Variants in RIMBP2 observed in about 807,000 individuals in gnomAD.
RIMBP2 encodes RIMS binding protein 2.
A neutral mutation model predicts 118.6 loss-of-function variants in RIMBP2; 48 were observed. The observed-to-expected ratio is 0.40, with a 90% CI of 0.32 to 0.51. The LOEUF (loss-of-function observed/expected upper bound fraction) is 0.51, where lower values mean the gene tolerates loss of function less well. Among genes scored for constraint, RIMBP2 ranks in the 20% least tolerant of loss-of-function variants. The probability of loss-of-function intolerance (pLI) is 0.41; values close to 1 mark genes in which losing one functional copy is unlikely to be tolerated. For synonymous variants in RIMBP2, 762 were observed against 742.9 expected (o/e 1.03, Z -0.42); for missense variants, 1,551 against 1,768.3 (o/e 0.88, Z 2.20).
At chr12:130,510,177 G>A (rs1566170036) in intron 3 of RIMBP2, among the ~76,000 whole-genome samples, 1 of 152,214 alleles carries the variant, frequency 6.6e-6, no homozygotes. Context: ...TCTCCCACAG[G>A]TGTGTTACAA....
chr12:130,437,393 A>G lies in RIMBP2; in HGVS notation c.1657-102T>C. The G allele has an allele frequency of 3.0e-6, 3 of 988,946 alleles. No homozygotes were observed. The South Asian group carries it at 4.7e-5, about 16-fold the overall frequency. 61.3% of individuals were successfully genotyped at this position (988,946 alleles called of 1,614,324 possible). A position where few individuals can be genotyped will look rare whatever the true frequency, so the allele number is the denominator to read the frequency against. On this transcript the variant is annotated intron_variant, in intron 12 of 22. Coordinates refer to ENST00000690449, the MANE Select transcript of RIMBP2 (RefSeq NM_001393629.1). ...TCTGCCCAGAGGCCAGGTGCAAAGG[A>G]TCATGCCCAGCGACCTCCGACTCCA... is the stretch of plus-strand genomic sequence containing the variant.
rs2076328158 is a variant in RIMBP2, at chr12:130,420,180, T to G, written c.3238+2273A>C. Among the ~76,000 whole-genome samples the G allele has an allele frequency of 6.6e-6, 1 of 152,212 alleles. No homozygotes were observed. Among genetic ancestry groups the G allele is most frequent in the African/African-American group, 2.4e-5 (1 of 41,458 alleles). ...TTTCCCAAAGCTCTTTGCCGAGTCC[T>G]CCTCCTCCTCAGGTGGGTGATAAGC... On this transcript the variant is annotated intron_variant, in intron 17 of 22. Coordinates refer to ENST00000690449, the MANE Select transcript of RIMBP2 (RefSeq NM_001393629.1). The surrounding 1 kb of genome is among the most constrained non-coding windows in gnomAD (Gnocchi z 4.3).
intron 2 of RIMBP2, among the ~76,000 whole-genome samples, chr12:130,535,704 CACATAT>C (rs1406202868): frequency 2.3e-4 from 33 of 141,350 alleles, no homozygotes; most frequent in South Asian, 6.7e-4. Context: ...CATATATATA[CACATAT>C]ACATATACAT....
At chr12:130,489,814 A>AACTCCAAATTGATGAC (rs1404114780) in intron 4 of RIMBP2, among the ~76,000 whole-genome samples, 1 of 152,200 alleles carries the variant, frequency 6.6e-6, no homozygotes, top group Non-Finnish European at 1.5e-5. Context: ...GGATGAAGCC[A>AACTCCAAATTGATGAC]ACTCCAAATT....
At chr12:130,473,655 T>C (rs1019116876) in intron 5 of RIMBP2, among the ~76,000 whole-genome samples, 2 of 152,124 alleles carry the variant, frequency 1.3e-5, no homozygotes, top group Admixed American at 1.3e-4. Context: ...CTCAAGGAAC[T>C]ATGCCGAGGG....
intron 1 of RIMBP2, among the ~76,000 whole-genome samples, chr12:130,705,335 A>T (rs1247219002): frequency 6.6e-6 from 1 of 152,210 alleles, no homozygotes; most frequent in Admixed American, 6.5e-5. Flanking sequence ...CCTCCCGGCC[A>T]GTCACCACGC....
rs2061276246 is a variant in RIMBP2, at chr12:130,621,015, T to C, written c.-217+7307A>G. Among the ~76,000 whole-genome samples the C allele has an allele frequency of 6.6e-6, 1 of 152,128 alleles. No individual in the cohort carries two copies. Among genetic ancestry groups the C allele is most frequent in the Non-Finnish European group, 1.5e-5 (1 of 68,030 alleles). On this transcript the variant is annotated intron_variant, in intron 2 of 22. Transcript: ENST00000690449. The surrounding 1 kb of genome is among the most constrained non-coding windows in gnomAD (Gnocchi z 6.6). Reference sequence around the variant, plus strand: ...GGCGGGCGAGCAACCTGCCTTGAGATCTGGCTGAATGGGGAGGCCTGAAAA... The same window carrying C: ...GGCGGGCGAGCAACCTGCCTTGAGACCTGGCTGAATGGGGAGGCCTGAAAA...
At chr12:130,642,055 C>T (rs1199921984) in intron 1 of RIMBP2, among the ~76,000 whole-genome samples, 4 of 152,148 alleles carry the variant, frequency 2.6e-5, no homozygotes, top group East Asian at 1.9e-4. Flanking sequence ...GTCAAAGCCA[C>T]GTCTCTGGTG....
intron 2 of RIMBP2, among the ~76,000 whole-genome samples, chr12:130,611,812 C>G (rs2140611447): frequency 6.6e-6 from 1 of 152,306 alleles, no homozygotes; most frequent in South Asian, 2.1e-4. Context: ...CCATGAAACC[C>G]ATGTAACTGC....
rs974734875 is a variant in RIMBP2, at chr12:130,462,371, G to T, written c.154-5671C>A. ...GGGTGGCCAGTGCAGATACCAGGAA[G>T]GCCGCGCTGCCGCAAGCCTGGAGAC... On this transcript the variant is annotated intron_variant, in intron 6 of 22. Transcript: ENST00000690449. 7.2e-5 allele frequency among the ~76,000 whole-genome samples: 11 copies of T among 152,318 alleles called. No individual in the cohort carries two copies. In the East Asian group the frequency reaches 1.9e-3, roughly 27 times the overall value.
intron 1 of RIMBP2, among the ~76,000 whole-genome samples, chr12:130,679,873 G>C (rs570022165): frequency 6.6e-6 from 1 of 151,948 alleles, no homozygotes; most frequent in African/African-American, 2.4e-5. Flanking sequence ...GAGTGTGTTC[G>C]CCCGCCACGG....
rs148796071 is a variant in RIMBP2, at chr12:130,438,466, C to T, written c.1555G>A (p.Ala519Thr). ...GGTCTCCAGGAGACCCGGATGGTGG[C>T]GGGGGTCACCCCAGCCTGGACGGTA... ...DVTVQAGVTP[A>T]TIRVSWRPPV... is the part of the protein sequence containing the mutation. The change falls in exon 12 of 23, where the codon GCC becomes ACC. Residue 519 changes from alanine to threonine, a missense_variant. Coordinates refer to ENST00000690449, the MANE Select transcript of RIMBP2 (RefSeq NM_001393629.1). The T allele has an allele frequency of 1.0e-3, 1,618 of 1,612,386 alleles. 2 individuals are homozygous for T. The highest frequency in any genetic ancestry group is 1.3e-3 in the Non-Finnish European group (1,514 of 1,179,396).
intron 4 of RIMBP2, among the ~76,000 whole-genome samples, chr12:130,484,049 T>C (rs759921324): frequency 8.5e-4 from 129 of 152,220 alleles, no homozygotes; most frequent in Non-Finnish European, 1.5e-3. Context: ...CAATGTCCCA[T>C]GGGAAGGATA....
chr12:130,663,728 G>A lies in RIMBP2; in HGVS notation c.-351-35272C>T, dbSNP rs947246240. On this transcript the variant is annotated intron_variant, in intron 1 of 22. Coordinates refer to ENST00000690449, the MANE Select transcript of RIMBP2 (RefSeq NM_001393629.1). Reference sequence around the variant, plus strand: ...GGTAGGAGTCAGAACGGAACTTCCCGCTGGGTACTTTAACGAAGTTTTGGG... The same window carrying A: ...GGTAGGAGTCAGAACGGAACTTCCCACTGGGTACTTTAACGAAGTTTTGGG... Among the ~76,000 whole-genome samples the A allele has an allele frequency of 3.2e-4, 48 of 151,708 alleles. 1 individual carries two copies. The highest frequency in any genetic ancestry group is 2.2e-3 in the Admixed American group (34 of 15,248).
At chr12:130,404,908 C>T (rs1195067256) in intron 21 of RIMBP2, among the ~76,000 whole-genome samples, 1 of 152,074 alleles carries the variant, frequency 6.6e-6, no homozygotes, top group East Asian at 1.9e-4. Context: ...TTCCTATTTA[C>T]ACTTTAATTT....
At chr12:130,432,234 G>A (rs1363797181) in intron 14 of RIMBP2, 1 of 456,564 alleles carries the variant, frequency 2.2e-6, no homozygotes, top group South Asian at 1.5e-5. Context: ...TCTTCTTCAG[G>A]CCTCGGTTCA....
chr12:130,463,310 G>A (rs935779790), intron 6 of RIMBP2, among the ~76,000 whole-genome samples: 4 of 152,204 alleles, frequency 2.6e-5, no homozygotes, highest in East Asian at 1.9e-4. Flanking sequence ...TCCCCATCCC[G>A]AGGCCACCTG....
At position 130,442,131 on chromosome 12, in the gene RIMBP2, C is replaced by T. The variant is rs774969594; in HGVS notation, c.1221G>A (p.Val407=). ...LQCTLLVGKD[V]VVAPSHLRVD... ...CCCGCAGGTGGGAGGGGGCCACCACCACGTCCTTGCCCACCAGCAGCGTGC... is the reference window on the plus strand; with the variant it reads ...CCCGCAGGTGGGAGGGGGCCACCACTACGTCCTTGCCCACCAGCAGCGTGC... Residue 407 remains valine, a synonymous_variant, in exon 11 of 23, where the codon GTG becomes GTA. Coordinates refer to ENST00000690449, the MANE Select transcript of RIMBP2 (RefSeq NM_001393629.1). The surrounding 1 kb of genome is among the most constrained non-coding windows in gnomAD (Gnocchi z 6.9). 1.7e-5 allele frequency: 28 copies of T among 1,614,060 alleles called. No homozygotes were observed. Among genetic ancestry groups the T allele is most frequent in the Middle Eastern group, 1.6e-4 (1 of 6,084 alleles).
chr12:130,431,365 T>C lies in RIMBP2; in HGVS notation c.2254-3028A>G, dbSNP rs1401058845. The C allele has an allele frequency of 1.1e-5, 4 of 356,706 alleles. No homozygotes were observed. Among genetic ancestry groups the C allele is most frequent in the African/African-American group, 6.2e-5 (3 of 48,048 alleles). The allele number at this position is 356,706 out of a possible 1,614,324, so 22.1% of individuals were successfully genotyped here. A position where few individuals can be genotyped will look rare whatever the true frequency, so the allele number is the denominator to read the frequency against. ...GGATGGTCAGGGAACACTTCCCGGG[T>C]TGTAAAACTGGCAGTCTGTGCACCA... On this transcript the variant is annotated intron_variant, in intron 14 of 22. Coordinates refer to ENST00000690449, the MANE Select transcript of RIMBP2 (RefSeq NM_001393629.1). This position sits in a 1 kb window ranked among gnomAD's most constrained non-coding sequence, Gnocchi z 4.0.
Sources: allele counts gnomAD v4.1 joint callset (sites outside exome capture counted in the v4.1 genomes callset), GRCh38; gene constraint gnomAD v4.1.1; non-coding constraint Gnocchi (gnomAD v3.1); transcripts MANE v1.5; gene names NCBI Gene and HGNC (gene_info 2026-07-23, HGNC 2026-07-21).